The following ST18 variants were observed in gnomAD, a reference collection of about 807,000 sequenced individuals.
ST18 encodes ST18 C2H2C-type zinc finger transcription factor.
ST18 carries 50 observed loss-of-function variants against 110.0 expected under a neutral mutation model. The observed-to-expected ratio is 0.45, with a 90% CI of 0.36 to 0.58. The LOEUF (loss-of-function observed/expected upper bound fraction) is 0.58, where lower values mean the gene tolerates loss of function less well. ST18 is among the 20% of genes least tolerant of loss of function. ST18 has a pLI of 0.00. For synonymous variants in ST18, 461 were observed against 452.4 expected (o/e 1.02, Z -0.24); for missense variants, 1,306 against 1,280.1 (o/e 1.02, Z -0.31).
At chr8:52,140,776 T>C (rs1417583943) in intron 17 of ST18, among the ~76,000 whole-genome samples, 3 of 152,190 alleles carry the variant, frequency 2.0e-5, no homozygotes, top group Admixed American at 1.3e-4. Context: ...AAAATGGTAT[T>C]GCAGGTTAAT....
chr8:52,293,602 G>T (rs963848951), intron 2 of ST18, among the ~76,000 whole-genome samples: 7 of 152,088 alleles, frequency 4.6e-5, no homozygotes, highest in Non-Finnish European at 1.0e-4. Context: ...TCCAGAGCAT[G>T]GTTCTTGCAG....
intron 2 of ST18, among the ~76,000 whole-genome samples, chr8:52,282,748 C>G (rs957352196): frequency 6.6e-6 from 1 of 152,016 alleles, no homozygotes; most frequent in African/African-American, 2.4e-5. Flanking sequence ...GGTGAGTCAT[C>G]GGGAAGGGTG....
At chr8:52,351,968 A>G (rs1820565937) in intron 2 of ST18, among the ~76,000 whole-genome samples, 1 of 152,232 alleles carries the variant, frequency 6.6e-6, no homozygotes, top group South Asian at 2.1e-4. Flanking sequence ...TATAGAGATC[A>G]AAAAAATTTA....
chr8:52,132,361 A>C (rs1475725045), intron 21 of ST18, among the ~76,000 whole-genome samples, 182 bp from the exon 22 acceptor site: 1 of 152,212 alleles, frequency 6.6e-6, no homozygotes, highest in Non-Finnish European at 1.5e-5. Flanking sequence ...CTTAATATTC[A>C]CTACAATCTA....
At chr8:52,329,145 G>A (rs960037173) in intron 2 of ST18, among the ~76,000 whole-genome samples, 1 of 151,948 alleles carries the variant, frequency 6.6e-6, no homozygotes, top group Non-Finnish European at 1.5e-5. Flanking sequence ...GTCTATTTGT[G>A]TGTGTTTGTG....
intron 5 of ST18, among the ~76,000 whole-genome samples, chr8:52,220,291 T>TA (rs1400671380): frequency 1.3e-5 from 2 of 152,222 alleles, no homozygotes; most frequent in Non-Finnish European, 2.9e-5. Flanking sequence ...CTCTCAAGAA[T>TA]AATCCAATTA....
chr8:52,306,342 C>T (rs1349903221), intron 2 of ST18, among the ~76,000 whole-genome samples: 3 of 152,180 alleles, frequency 2.0e-5, no homozygotes, highest in Admixed American at 1.3e-4. Flanking sequence ...TCTGGCCCCT[C>T]TTGCTGCAAT....
intron 2 of ST18, among the ~76,000 whole-genome samples, chr8:52,364,362 G>A (rs1180232559): frequency 1.3e-5 from 2 of 152,150 alleles, no homozygotes; most frequent in Non-Finnish European, 2.9e-5. Flanking sequence ...ATAGGAGAGT[G>A]GGAGCCAGGC....
intron 8 of ST18, among the ~76,000 whole-genome samples, chr8:52,203,923 G>T (rs1281753884): frequency 1.3e-5 from 2 of 152,184 alleles, no homozygotes; most frequent in African/African-American, 4.8e-5. Flanking sequence ...GGAGACTTCA[G>T]ATTTTGTCAG....
intron 17 of ST18, among the ~76,000 whole-genome samples, chr8:52,138,730 G>T (rs2053561936): frequency 6.6e-6 from 1 of 152,214 alleles, no homozygotes; most frequent in Non-Finnish European, 1.5e-5. Context: ...GTGGACCCCA[G>T]CCTACTCAGT....
At chr8:52,340,918 TAG>T in intron 2 of ST18, among the ~76,000 whole-genome samples, 1 of 152,324 alleles carries the variant, frequency 6.6e-6, no homozygotes, top group Admixed American at 6.5e-5. Flanking sequence ...CAAAAGAACT[TAG>T]AGTTTCTATG....
At chr8:52,219,536 C>T (rs1335076347) in intron 5 of ST18, among the ~76,000 whole-genome samples, 1 of 152,110 alleles carries the variant, frequency 6.6e-6, no homozygotes, top group Non-Finnish European at 1.5e-5. Flanking sequence ...GTCTTTGGCT[C>T]TATACAGAGA....
chr8:52,162,482 T>G (rs140414148), intron 13 of ST18, among the ~76,000 whole-genome samples: 3 of 152,162 alleles, frequency 2.0e-5, no homozygotes, highest in African/African-American at 7.2e-5. Context: ...GCTTTTCACC[T>G]TTTTTCCCTG....
At chr8:52,117,243 A>G (rs933478852) in intron 24 of ST18, among the ~76,000 whole-genome samples, 3 of 152,074 alleles carry the variant, frequency 2.0e-5, no homozygotes, top group African/African-American at 7.2e-5. Flanking sequence ...TTGCGCTTGC[A>G]GGGTTTCTTC....
At chr8:52,342,690 A>T (rs1157582268) in intron 2 of ST18, among the ~76,000 whole-genome samples, 1 of 152,110 alleles carries the variant, frequency 6.6e-6, no homozygotes, top group Non-Finnish European at 1.5e-5. Context: ...TGCATTTCTA[A>T]TGGGCTGTGA....
chr8:52,367,338 C>T (rs1243782004), intron 2 of ST18, among the ~76,000 whole-genome samples: 1 of 151,440 alleles, frequency 6.6e-6, no homozygotes, highest in Non-Finnish European at 1.5e-5. Context: ...ATGAGAATTG[C>T]TTGAACCCGG....
intron 2 of ST18, among the ~76,000 whole-genome samples, chr8:52,299,520 T>C (rs528501979): frequency 3.9e-5 from 6 of 152,260 alleles, no homozygotes; most frequent in Non-Finnish European, 7.3e-5. Flanking sequence ...CTACTCTAAA[T>C]TGGATAATTA....
chr8:52,348,060 C>A (rs1307088432), intron 2 of ST18, among the ~76,000 whole-genome samples: 1 of 152,170 alleles, frequency 6.6e-6, no homozygotes, highest in Non-Finnish European at 1.5e-5. Flanking sequence ...GGACTACACC[C>A]TGGTTTTGAG....
chr8:52,345,866 C>T (rs1473082575), intron 2 of ST18, among the ~76,000 whole-genome samples: 3 of 152,060 alleles, frequency 2.0e-5, no homozygotes, highest in Non-Finnish European at 4.4e-5. Context: ...AATCTTCAGC[C>T]AGAATTTCTA....
Sources: gnomAD v4.1 joint callset for allele counts (sites outside exome capture counted in the v4.1 genomes callset) on GRCh38, gnomAD v4.1.1 for gene constraint, MANE v1.5 for transcripts, NCBI Gene and HGNC (gene_info 2026-07-23, HGNC 2026-07-21) for gene names.